Variants in MGAT5B observed in about 807,000 individuals in gnomAD.
MGAT5B encodes the protein N-acetylglucosaminyl-transferase Vb.
A neutral mutation model predicts 95.1 loss-of-function variants in MGAT5B; 54 were observed. The observed-to-expected ratio is 0.57, with a 90% CI of 0.46 to 0.71. The LOEUF (loss-of-function observed/expected upper bound fraction) is 0.71, where lower values mean the gene tolerates loss of function less well. MGAT5B is among the 30% of genes least tolerant of loss of function. MGAT5B has a pLI of 0.00. For synonymous variants in MGAT5B, 464 were observed against 451.0 expected (o/e 1.03, Z -0.36); for missense variants, 935 against 1,088.6 (o/e 0.86, Z 1.99).
In MGAT5B at chr17:76,926,761, G is replaced by A. The variant is rs377100870; in HGVS notation, c.1291+31G>A. On this transcript the variant is annotated intron_variant, in intron 10 of 17. Transcript: ENST00000569840. ...TGCCCCACAGGGCAGGGGTGGGGTC[G>A]GAGGTCCTCCTCATGGTTCTCAGAG... The A allele has an allele frequency of 2.0e-4, 323 of 1,608,224 alleles. 2 individuals carry two copies. In the South Asian group the frequency reaches 3.1e-3, roughly 16 times the overall value.
In MGAT5B at chr17:76,916,898, C is replaced by A. The variant is rs9905804; in HGVS notation, c.1026-8068C>A. Reference sequence around the variant, plus strand: ...CAGGGAGACTGGAAGGAGCCACCCACGGGAAGGGTCAAACTCAGGGGTTCC... The same window carrying A: ...CAGGGAGACTGGAAGGAGCCACCCAAGGGAAGGGTCAAACTCAGGGGTTCC... On this transcript the variant is annotated intron_variant, in intron 8 of 17. Coordinates refer to ENST00000569840, the MANE Select transcript of MGAT5B (RefSeq NM_001199172.2). The surrounding 1 kb of genome is among the most constrained non-coding windows in gnomAD (Gnocchi z 5.3). 6.6e-6 allele frequency among the ~76,000 whole-genome samples: 1 copy of A among 151,900 alleles called. No individual in the cohort carries two copies. Among genetic ancestry groups the A allele is most frequent in the Non-Finnish European group, 1.5e-5 (1 of 67,976 alleles).
At position 76,889,455 on chromosome 17, in the gene MGAT5B, G is replaced by C. The variant is rs1476796319; in HGVS notation, c.329+7157G>C. On this transcript the variant is annotated intron_variant, in intron 3 of 17. Coordinates refer to ENST00000569840, the MANE Select transcript of MGAT5B (RefSeq NM_001199172.2). This position sits in a 1 kb window ranked among gnomAD's most constrained non-coding sequence, Gnocchi z 4.4. ...ATCCCTGCCCAGAGCTGTCTGCAAA[G>C]CCCTCTGGTCTCAGAAGCTGTCTCG... Among the ~76,000 whole-genome samples, 1 of 152,120 alleles carries C rather than the reference G, an allele frequency of 6.6e-6. No homozygotes were observed. The highest frequency in any genetic ancestry group is 1.5e-5 in the Non-Finnish European group (1 of 67,996).
chr17:76,896,772 A>T (rs532753), intron 3 of MGAT5B, among the ~76,000 whole-genome samples: 3 of 152,100 alleles, frequency 2.0e-5, no homozygotes, highest in Admixed American at 1.3e-4. Flanking sequence ...TCACTGACCC[A>T]GCGCTTGAAA....
At chr17:76,922,643 TCTC>T (rs1969154595) in intron 8 of MGAT5B, among the ~76,000 whole-genome samples, 1 of 152,176 alleles carries the variant, frequency 6.6e-6, no homozygotes, top group African/African-American at 2.4e-5. Context: ...CTGTGCTTCT[TCTC>T]CTTTGTTTTC....
intron 8 of MGAT5B, among the ~76,000 whole-genome samples, chr17:76,920,726 C>T (rs1320205916): frequency 6.6e-6 from 1 of 152,186 alleles, no homozygotes; most frequent in Admixed American, 6.5e-5. Context: ...TCCCTCCTCT[C>T]CCGTGATGTC....
chr17:76,913,657 G>A (rs1425384729), intron 8 of MGAT5B: 1 of 505,188 alleles, frequency 2.0e-6, no homozygotes, highest in South Asian at 1.5e-5. Context: ...AACACAGAAA[G>A]GCCTCTTACA....
chr17:76,899,620 G>A (rs1968232369), intron 3 of MGAT5B, among the ~76,000 whole-genome samples: 2 of 152,170 alleles, frequency 1.3e-5, no homozygotes, highest in South Asian at 4.2e-4. Flanking sequence ...CTCTGTCCAG[G>A]GTGGCAGAGT....
chr17:76,888,918 G>A (rs934327321), intron 3 of MGAT5B, among the ~76,000 whole-genome samples: 15 of 152,360 alleles, frequency 9.8e-5, no homozygotes, highest in African/African-American at 3.1e-4. Context: ...TCTGGGTCCG[G>A]CCTGTGGCCT....
chr17:76,940,252 C>A lies in MGAT5B; in HGVS notation c.1585-150C>A. On this transcript the variant is annotated intron_variant, in intron 13 of 17. Transcript: ENST00000569840. The surrounding 1 kb of genome is among the most constrained non-coding windows in gnomAD (Gnocchi z 4.3). Reference sequence around the variant, plus strand: ...GCTGGCTTTTCCAGCCCTGTTATAGCTCACATAACAGGCTGAGCAAAAATA... The same window carrying A: ...GCTGGCTTTTCCAGCCCTGTTATAGATCACATAACAGGCTGAGCAAAAATA... 1 of 964,520 alleles carries A rather than the reference C, an allele frequency of 1.0e-6. No homozygotes were observed. Among genetic ancestry groups the A allele is most frequent in the Non-Finnish European group, 1.5e-6 (1 of 686,888 alleles). The allele number at this position is 964,520 out of a possible 1,614,324, so 59.7% of individuals were successfully genotyped here.
rs1455913990 is a variant in MGAT5B, at chr17:76,904,206, CA to C, written c.520-45del. The C allele has an allele frequency of 1.3e-5, 20 of 1,556,372 alleles. 1 individual carries two copies. The South Asian group carries it at 2.2e-4, about 18-fold the overall frequency. On this transcript the variant is annotated intron_variant, in intron 5 of 17. Coordinates refer to ENST00000569840, the MANE Select transcript of MGAT5B (RefSeq NM_001199172.2). The stretch of plus-strand genomic sequence containing the variant: ...CACGTGCGGGGGAGTCCCCGAGGGT[CA>C]GTGGGGCTGGCGCAGCCCCCTGCCC...
intron 3 of MGAT5B, among the ~76,000 whole-genome samples, chr17:76,897,782 A>G (rs561163296): frequency 7.6e-6 from 1 of 131,252 alleles, no homozygotes; most frequent in East Asian, 2.2e-4. Context: ...TTGGCCGGGC[A>G]TGGTGGCTCA....
rs1568167206 is a variant in MGAT5B, at chr17:76,884,445, T to TTTATTTA, written c.329+2149_329+2150insATTTATT. Among the ~76,000 whole-genome samples the TTTATTTA allele has an allele frequency of 2.5e-3, 386 of 151,796 alleles. 5 individuals carry two copies. Among genetic ancestry groups the TTTATTTA allele is most frequent in the African/African-American group, 8.7e-3 (360 of 41,224 alleles). On this transcript the variant is annotated intron_variant, in intron 3 of 17. Coordinates refer to ENST00000569840, the MANE Select transcript of MGAT5B (RefSeq NM_001199172.2). The stretch of plus-strand genomic sequence containing the variant: ...GTTTTATTTATTTATTTATTTATTT[T>TTTATTTA]TTTGAGATGGAGGCTTGCTCTGTTG...
rs1598936022 is a variant in MGAT5B at position 76,904,295 on chromosome 17, T to C, written c.563T>C (p.Phe188Ser). Residue 188 changes from phenylalanine to serine, a missense_variant, in exon 6 of 18, where the codon TTT (phenylalanine) becomes TCT (serine). Physicochemically the swap from Phe to Ser is radical, Grantham distance 155 (BLOSUM62 -2). Coordinates refer to ENST00000569840, the MANE Select transcript of MGAT5B (RefSeq NM_001199172.2). ...RWTSDPCYAF[F>S]GVDGTECSFL... is the part of the protein sequence containing the mutation. Reference sequence around the variant, plus strand: ...ACCTCTGACCCCTGCTACGCCTTCTTTGGGGTGGACGGCACCGAGTGCTCC... The same window carrying C: ...ACCTCTGACCCCTGCTACGCCTTCTCTGGGGTGGACGGCACCGAGTGCTCC... The C allele has an allele frequency of 1.2e-6, 2 of 1,611,190 alleles. No individual in the cohort carries two copies. Among genetic ancestry groups the C allele is most frequent in the Non-Finnish European group, 8.5e-7 (1 of 1,179,110 alleles).
At chr17:76,937,838 CGGGGCCTTT>C in intron 12 of MGAT5B, 141 bp from the exon 13 acceptor site, 1 of 799,848 alleles carries the variant, frequency 1.3e-6, no homozygotes, top group Non-Finnish European at 2.0e-6. Context: ...CAGAGAGGGG[CGGGGCCTTT>C]CCCAGTGTCC....
rs779236801 is a variant in MGAT5B at position 76,869,089 on chromosome 17, A to G, written c.60A>G (p.Arg20=). The change falls in exon 1 of 18, where the codon AGA becomes AGG. Residue 20 remains arginine (R), a synonymous_variant. Transcript: ENST00000569840. The surrounding 1 kb of genome is among the most constrained non-coding windows in gnomAD (Gnocchi z 7.0). ...TCAGAAGATGCCTGGTCACCCTGAG[A>G]CCCTTTCGGTAAAGTTCCCTCCTGG... The part of the protein sequence containing the change: ...IMVRRCLVTL[R]PFRLFVLGIG... The G allele has an allele frequency of 6.2e-6, 10 of 1,613,896 alleles. No homozygotes were observed. In the Admixed American group the frequency reaches 1.7e-4, roughly 27 times the overall value.
rs764051103 is a variant in MGAT5B, at chr17:76,904,305, C to T, written c.573C>T (p.Asp191=). 18 of 1,610,188 alleles carry T rather than the reference C, an allele frequency of 1.1e-5. No homozygotes were observed. Among genetic ancestry groups the T allele is most frequent in the Middle Eastern group, 1.6e-4 (1 of 6,066 alleles). The change falls in exon 6 of 18, where the codon GAC becomes GAT. Residue 191 remains aspartate (D), a synonymous_variant. Transcript: ENST00000569840. The part of the protein sequence containing the change: ...SDPCYAFFGV[D]GTECSFLIYL... ...CCTGCTACGCCTTCTTTGGGGTGGA[C>T]GGCACCGAGTGCTCCTTCCTCATCT...
rs1969815281 is a variant in MGAT5B, at chr17:76,940,193, G to T, written c.1585-209G>T. ...AATGGGGAAACTGAGGCCCAGAGAG[G>T]GGAAGTGCTTGCCCGTGGCACAAGA... is the stretch of plus-strand genomic sequence containing the variant. On this transcript the variant is annotated intron_variant, in intron 13 of 17. Transcript: ENST00000569840. The surrounding 1 kb of genome is among the most constrained non-coding windows in gnomAD (Gnocchi z 4.3). Among the ~76,000 whole-genome samples the T allele has an allele frequency of 6.6e-6, 1 of 152,172 alleles. No individual in the cohort carries two copies. The highest frequency in any genetic ancestry group is 1.5e-5 in the Non-Finnish European group (1 of 68,016).
At position 76,947,693 on chromosome 17, in the gene MGAT5B, C is replaced by A. The variant is rs372948276; in HGVS notation, c.1924-137C>A. 7.5e-6 allele frequency: 10 copies of A among 1,334,584 alleles called. No individual in the cohort carries two copies. In the African/African-American group the frequency reaches 1.2e-4, roughly 16 times the overall value. The allele number at this position is 1,334,584 out of a possible 1,614,324, so 82.7% of individuals were successfully genotyped here. On this transcript the variant is annotated intron_variant, in intron 16 of 17. Transcript: ENST00000569840. ...TCCATGAGAAGTAAATGAAATAATGCAGGTAAAGCTACCTGGTATTCAGTA... is the reference window on the plus strand; with the variant it reads ...TCCATGAGAAGTAAATGAAATAATGAAGGTAAAGCTACCTGGTATTCAGTA...
chr17:76,895,756 A>C (rs1437584721), intron 3 of MGAT5B, among the ~76,000 whole-genome samples: 1 of 152,158 alleles, frequency 6.6e-6, no homozygotes, highest in South Asian at 2.1e-4. Context: ...TTTTCAAGTA[A>C]AGTCACATGC....
Sources: gnomAD v4.1 joint callset for allele counts (sites outside exome capture counted in the v4.1 genomes callset) on GRCh38, gnomAD v4.1.1 for gene constraint, Gnocchi (gnomAD v3.1) non-coding constraint, MANE v1.5 for transcripts, NCBI Gene and HGNC (gene_info 2026-07-23, HGNC 2026-07-21) for gene names.